Variants in ZFAND3 observed in about 807,000 individuals in gnomAD.
ZFAND3 encodes zinc finger AN1-type containing 3.
Under a neutral mutation model 29.6 loss-of-function variants are expected in ZFAND3, and 10 were observed. That is an observed-to-expected ratio of 0.34 (90% CI 0.21 to 0.57). The LOEUF is 0.57. Among genes scored for constraint, ZFAND3 ranks in the 20% least tolerant of loss-of-function variants. The probability of loss-of-function intolerance (pLI) is 0.86; values close to 1 mark genes in which losing one functional copy is unlikely to be tolerated. For synonymous variants in ZFAND3, 128 were observed against 112.6 expected, an observed-to-expected ratio of 1.14 and a Z score of -0.87; for missense variants, 230 against 304.5, an observed-to-expected ratio of 0.76 and a Z score of 1.82.
chr6:37,974,497 T>C (rs1348190005), intron 2 of ZFAND3, among the ~76,000 whole-genome samples: 5 of 150,534 alleles, frequency 3.3e-5, no homozygotes, highest in Non-Finnish European at 5.9e-5. Flanking sequence ...CTCAACTTTC[T>C]AGATTCAGGC....
At chr6:38,129,485 G>C (rs567089172) in intron 5 of ZFAND3, among the ~76,000 whole-genome samples, 3 of 152,272 alleles carry the variant, frequency 2.0e-5, no homozygotes, top group Admixed American at 2.0e-4. Flanking sequence ...AACCCATCTT[G>C]AGTTGATTTT....
At chr6:38,053,035 A>G (rs867079113) in intron 2 of ZFAND3, among the ~76,000 whole-genome samples, 26 of 141,276 alleles carry the variant, frequency 1.8e-4, no homozygotes, top group East Asian at 4.2e-4. Context: ...CTCCATTTCG[A>G]AAAAAAAAAA....
chr6:38,050,484 A>AC (rs1415080432), intron 2 of ZFAND3, among the ~76,000 whole-genome samples: 1 of 151,742 alleles, frequency 6.6e-6, no homozygotes, highest in African/African-American at 2.4e-5. Context: ...GCGGGCGGTT[A>AC]CCCCCATGCC....
chr6:38,045,809 C>T (rs1012555830), intron 2 of ZFAND3, among the ~76,000 whole-genome samples: 2 of 152,104 alleles, frequency 1.3e-5, no homozygotes, highest in African/African-American at 4.8e-5. Flanking sequence ...GGAATTTGAA[C>T]ACAGAAATCC....
chr6:38,021,796 T>C (rs1297534917), intron 2 of ZFAND3, among the ~76,000 whole-genome samples: 2 of 152,188 alleles, frequency 1.3e-5, no homozygotes, highest in Non-Finnish European at 2.9e-5. Flanking sequence ...CAATTCCTGC[T>C]TTCCCCATTC....
intron 2 of ZFAND3, chr6:38,002,958 A>G (rs2127440385): frequency 6.6e-6 from 1 of 152,606 alleles, no homozygotes; most frequent in East Asian, 1.9e-4. Flanking sequence ...CTGGGGGGAA[A>G]ATGCCACACT....
At chr6:37,932,260 CAAAA>C (rs11322267) in intron 2 of ZFAND3, among the ~76,000 whole-genome samples, 94 of 145,642 alleles carry the variant, frequency 6.5e-4, no homozygotes, top group African/African-American at 2.2e-3. Flanking sequence ...GACTCTGTCT[CAAAA>C]AAAAAAAAAT....
intron 1 of ZFAND3, among the ~76,000 whole-genome samples, chr6:37,846,202 C>T (rs1764174429): frequency 6.6e-6 from 1 of 152,208 alleles, no homozygotes. Context: ...AGTTCCACCA[C>T]AGTGCCTTAC....
intron 4 of ZFAND3, among the ~76,000 whole-genome samples, chr6:38,097,410 CTT>C (rs1165820192): frequency 6.6e-6 from 1 of 152,024 alleles, no homozygotes; most frequent in East Asian, 1.9e-4. Flanking sequence ...TACTATATCT[CTT>C]TGTTATGTGA....
chr6:37,995,852 C>T (rs939069273), intron 2 of ZFAND3, among the ~76,000 whole-genome samples: 14 of 151,982 alleles, frequency 9.2e-5, no homozygotes, highest in Non-Finnish European at 1.8e-4. Flanking sequence ...CTTGGCCGGG[C>T]ACTGTGGCTC....
chr6:37,852,982 T>G (rs1262711882), intron 1 of ZFAND3, among the ~76,000 whole-genome samples: 1 of 152,216 alleles, frequency 6.6e-6, no homozygotes, highest in African/African-American at 2.4e-5. Context: ...GTTTGGTACT[T>G]TTCAAAACCT....
chr6:38,087,959 G>A (rs1359146181), intron 4 of ZFAND3, among the ~76,000 whole-genome samples: 2 of 152,218 alleles, frequency 1.3e-5, no homozygotes, highest in Non-Finnish European at 2.9e-5. Flanking sequence ...TAGGTTACTG[G>A]AAGTTTATAT....
intron 5 of ZFAND3, among the ~76,000 whole-genome samples, chr6:38,134,655 C>G (rs1420795770): frequency 6.6e-6 from 1 of 152,178 alleles, no homozygotes; most frequent in African/African-American, 2.4e-5. Flanking sequence ...CTGAGAAGAT[C>G]AGTATCAATG....
chr6:37,822,578 G>GCC (rs1763685796), intron 1 of ZFAND3, among the ~76,000 whole-genome samples: 1 of 152,094 alleles, frequency 6.6e-6, no homozygotes, highest in Non-Finnish European at 1.5e-5. Context: ...GGAGGTGCTG[G>GCC]CCCCATACTC....
chr6:38,148,371 C>T (rs551573227), intron 5 of ZFAND3, among the ~76,000 whole-genome samples: 1 of 152,272 alleles, frequency 6.6e-6, no homozygotes, highest in East Asian at 1.9e-4. Context: ...GAGCTGCTGT[C>T]GTAGTTCAGC....
At chr6:37,956,455 G>C (rs1459356699) in intron 2 of ZFAND3, among the ~76,000 whole-genome samples, 2 of 152,192 alleles carry the variant, frequency 1.3e-5, no homozygotes, top group Non-Finnish European at 2.9e-5. Flanking sequence ...GATAAATGAA[G>C]TCACAGAGGT....
chr6:38,147,008 A>T (rs991862798), intron 5 of ZFAND3, among the ~76,000 whole-genome samples: 1 of 152,190 alleles, frequency 6.6e-6, no homozygotes, highest in Non-Finnish European at 1.5e-5. Flanking sequence ...TGATCAGGTC[A>T]GGGTTAGGGT....
rs572833623 is a variant in ZFAND3, at chr6:37,926,633, C to T, written c.72-3326C>T. 7.9e-5 allele frequency among the ~76,000 whole-genome samples: 12 copies of T among 152,244 alleles called. No individual in the cohort carries two copies. In the South Asian group the frequency reaches 1.2e-3, roughly 16 times the overall value. ...CTCCACCCCCTGAGTAAGGTAACTT[C>T]GGGATTAAGACTTGATATCTTTTGG... On this transcript the variant is annotated intron_variant, in intron 1 of 5. Coordinates refer to ENST00000287218, the MANE Select transcript of ZFAND3 (RefSeq NM_021943.3).
At chr6:37,888,622 A>G (rs911814415) in intron 1 of ZFAND3, among the ~76,000 whole-genome samples, 1 of 152,158 alleles carries the variant, frequency 6.6e-6, no homozygotes, top group Non-Finnish European at 1.5e-5. Flanking sequence ...CCCATTTTCC[A>G]GATCACATTA....
Sources: gnomAD v4.1 joint callset for allele counts (sites outside exome capture counted in the v4.1 genomes callset) on GRCh38, gnomAD v4.1.1 for gene constraint, MANE v1.5 for transcripts, NCBI Gene and HGNC (gene_info 2026-07-23, HGNC 2026-07-21) for gene names.